The following PCDHA10 variants were observed in gnomAD, a reference collection of about 807,000 sequenced individuals.
The protein encoded by PCDHA10 is protocadherin alpha-10.
Under a neutral mutation model 61.2 loss-of-function variants are expected in PCDHA10, and 45 were observed. The ratio of observed to expected loss-of-function variants is 0.74; its 90% CI spans 0.58 to 0.94. PCDHA10 has a LOEUF of 0.94. PCDHA10 is among the 40% of genes least tolerant of loss of function. The pLI, the probability that PCDHA10 is intolerant of heterozygous loss-of-function variation, is 0.00. For synonymous variants in PCDHA10, 602 were observed against 548.8 expected (o/e 1.10, Z -1.35); for missense variants, 1,278 against 1,236.2 (o/e 1.03, Z -0.51).
In PCDHA10 at chr5:140,857,804, G is replaced by T; in HGVS notation, c.1756G>T (p.Ala586Ser). 6.3e-7 allele frequency: 1 copy of T among 1,597,858 alleles called. No homozygotes were observed. The change falls in exon 1 of 4, where the codon GCG becomes TCG. Residue 586 changes from alanine to serine, a missense_variant. Transcript: ENST00000307360. ...VSELVLRSVV[A>S]GHVVAKVRAV... is the part of the protein sequence containing the mutation. ...TGAGCTGGTGCTGCGGTCGGTGGTT[G>T]CGGGTCACGTGGTGGCTAAGGTGCG...
rs1354913404 is a variant in PCDHA10 at position 140,858,709 on chromosome 5, A to G, written c.2388+273A>G. 5 of 545,256 alleles carry G rather than the reference A, an allele frequency of 9.2e-6. 1 individual carries two copies. The African/African-American group carries it at 9.7e-5, about 11-fold the overall frequency. The allele number at this position is 545,256 out of a possible 1,614,324, so 33.8% of individuals were successfully genotyped here. A position where few individuals can be genotyped will look rare whatever the true frequency, so the allele number is the denominator to read the frequency against. ...ATATTTTCCAATACAAATATGTGATATAGGTTGCAGTTCTGACGATTTACT... is the reference window on the plus strand; with the variant it reads ...ATATTTTCCAATACAAATATGTGATGTAGGTTGCAGTTCTGACGATTTACT... On this transcript the variant is annotated intron_variant, in intron 1 of 3. Transcript: ENST00000307360.
chr5:140,862,777 C>T, intron 1 of PCDHA10: 1 of 577,324 alleles, frequency 1.7e-6, no homozygotes, highest in Non-Finnish European at 3.3e-6. Context: ...CGCGTTGCAG[C>T]CACTGGACTA....
At position 140,857,221 on chromosome 5, in the gene PCDHA10, C is replaced by G. The variant is rs146953582; in HGVS notation, c.1173C>G (p.His391Gln). The change falls in exon 1 of 4, where the codon CAC becomes CAG. Residue 391 changes from histidine (H) to glutamine (Q), a missense_variant. His to Gln is a conservative substitution (Grantham distance 24). Transcript: ENST00000307360. ...AGGTCACCTGCTCTCTGACGCCTCA[C>G]GTTCCGTTCAAGCTGGTGTCCACCT... is the stretch of plus-strand genomic sequence containing the variant. Reference protein sequence around the residue: ...NGQVTCSLTPHVPFKLVSTYK... With the variant: ...NGQVTCSLTPQVPFKLVSTYK... 4.4e-4 allele frequency: 711 copies of G among 1,598,474 alleles called. 36 individuals carry two copies. In the African/African-American group the frequency reaches 9.1e-3, roughly 20 times the overall value.
intron 1 of PCDHA10, chr5:140,867,560 C>G (rs1352328708): frequency 1.3e-5 from 2 of 152,070 alleles, no homozygotes; most frequent in African/African-American, 4.8e-5. Context: ...CATATGATAA[C>G]TTTTTCATAT....
At chr5:140,883,446 T>TCCC (rs2059615161) in intron 1 of PCDHA10, 1 of 1,614,012 alleles carries the variant, frequency 6.2e-7, no homozygotes, top group African/African-American at 1.3e-5. Context: ...ACGCCGCATG[T>TCCC]CCCCTTCAAG....
chr5:140,954,782 C>T (rs894049284), intron 1 of PCDHA10, among the ~76,000 whole-genome samples: 3 of 152,128 alleles, frequency 2.0e-5, no homozygotes, highest in Non-Finnish European at 4.4e-5. Context: ...TTAATTAGAT[C>T]TCATTTGTCA....
At chr5:140,999,319 T>G (rs2097853876) in intron 3 of PCDHA10, among the ~76,000 whole-genome samples, 1 of 152,236 alleles carries the variant, frequency 6.6e-6, no homozygotes, top group African/African-American at 2.4e-5. Flanking sequence ...TGACAGACAT[T>G]GATCTGTGTG....
chr5:140,913,807 C>A (rs2076472600), intron 1 of PCDHA10, among the ~76,000 whole-genome samples: 1 of 152,068 alleles, frequency 6.6e-6, no homozygotes, highest in African/African-American at 2.4e-5. Flanking sequence ...ATCAAATTTT[C>A]AATTTCCTTT....
chr5:140,967,959 G>A lies in PCDHA10; in HGVS notation c.2389-10990G>A, dbSNP rs782716187. ...AATGACCAAGACTCAGGCCCCAACC[G>A]GAAAGTGAGCCTGGGTCTGGAGGCC... On this transcript the variant is annotated intron_variant, in intron 1 of 3. Transcript: ENST00000307360. The A allele has an allele frequency of 1.5e-5, 25 of 1,614,046 alleles. No individual in the cohort carries two copies. Among genetic ancestry groups the A allele is most frequent in the Non-Finnish European group, 1.9e-5 (23 of 1,180,058 alleles).
chr5:141,001,849 T>C (rs889682000), intron 3 of PCDHA10, among the ~76,000 whole-genome samples: 5 of 151,704 alleles, frequency 3.3e-5, no homozygotes, highest in African/African-American at 7.3e-5. Context: ...GAGAGAGAGG[T>C]TGATTAAATT....
At chr5:140,919,552 T>C (rs2079193484) in intron 1 of PCDHA10, among the ~76,000 whole-genome samples, 1 of 152,224 alleles carries the variant, frequency 6.6e-6, no homozygotes, top group South Asian at 2.1e-4. Context: ...ATTTACTGAT[T>C]TATATTAAGT....
intron 1 of PCDHA10, among the ~76,000 whole-genome samples, chr5:140,925,197 A>G (rs1259349657): frequency 1.3e-5 from 2 of 152,310 alleles, no homozygotes; most frequent in East Asian, 3.9e-4. Context: ...CCCAGCTTCA[A>G]TAATTATCGA....
intron 1 of PCDHA10, chr5:140,868,886 A>G: frequency 1.4e-6 from 1 of 730,322 alleles, no homozygotes; most frequent in Non-Finnish European, 2.1e-6. Context: ...TCACAGTTTT[A>G]GGCGCAAGGT....
rs1443126988 is a variant in PCDHA10 at position 140,960,088 on chromosome 5, A to G, written c.2389-18861A>G. Among the ~76,000 whole-genome samples, 6 of 152,248 alleles carry G rather than the reference A, an allele frequency of 3.9e-5. No homozygotes were observed. The East Asian group carries it at 5.8e-4, about 15-fold the overall frequency. ...TTCAATTGAAGTTTCTAAAAGAGAA[A>G]GAAACTTGTAGTTGTGGGAACAATA... On this transcript the variant is annotated intron_variant, in intron 1 of 3. Coordinates refer to ENST00000307360, the MANE Select transcript of PCDHA10 (RefSeq NM_018901.4).
chr5:140,922,337 T>C lies in PCDHA10; in HGVS notation c.2389-56612T>C, dbSNP rs150639608. On this transcript the variant is annotated intron_variant, in intron 1 of 3. Transcript: ENST00000307360. ...GAAGATCTTGGAAAGGGTTGGTATA[T>C]TGGTATTTTCTAGAGTAGTGATTCT... Among the ~76,000 whole-genome samples the C allele has an allele frequency of 3.4e-3, 512 of 152,346 alleles. 3 individuals carry two copies. The highest frequency in any genetic ancestry group is 0.012 in the African/African-American group (489 of 41,580).
intron 1 of PCDHA10, among the ~76,000 whole-genome samples, chr5:140,896,879 G>A (rs1323456222): frequency 6.6e-6 from 1 of 151,976 alleles, no homozygotes; most frequent in Non-Finnish European, 1.5e-5. Context: ...TATTTATGGG[G>A]TATATGAGAC....
At chr5:140,986,861 C>T (rs1007036038) in intron 3 of PCDHA10, among the ~76,000 whole-genome samples, 12 of 152,086 alleles carry the variant, frequency 7.9e-5, no homozygotes, top group Non-Finnish European at 1.0e-4. Flanking sequence ...CAACAATACC[C>T]GGAAACTTGT....
intron 1 of PCDHA10, among the ~76,000 whole-genome samples, chr5:140,900,283 C>A (rs1325528461): frequency 6.6e-6 from 1 of 151,666 alleles, no homozygotes; most frequent in Non-Finnish European, 1.5e-5. Flanking sequence ...ACCACACTTT[C>A]TTTTCTGTTT....
intron 1 of PCDHA10, chr5:140,865,282 T>G (rs2048808966): frequency 6.6e-6 from 1 of 152,240 alleles, no homozygotes; most frequent in Non-Finnish European, 1.5e-5. Flanking sequence ...GTAAAATTAC[T>G]TTGCTCTTTT....
Sources: gnomAD v4.1 joint callset for allele counts (sites outside exome capture counted in the v4.1 genomes callset) on GRCh38, gnomAD v4.1.1 for gene constraint, MANE v1.5 for transcripts, NCBI Gene and HGNC (gene_info 2026-07-23, HGNC 2026-07-21) for gene names.